Variants in SDK1 observed in about 807,000 individuals in gnomAD.
SDK1 encodes sidekick cell adhesion molecule 1.
In SDK1, 157 loss-of-function variants were observed where a neutral mutation model predicts 245.5. The observed-to-expected ratio is 0.64, with a 90% confidence interval of 0.56 to 0.73. The LOEUF is 0.73. Among genes scored for constraint, SDK1 ranks in the 30% least tolerant of loss-of-function variants. The probability of loss-of-function intolerance (pLI) is 0.00; values close to 1 mark genes in which losing one functional copy is unlikely to be tolerated. For synonymous variants in SDK1, 1,647 were observed against 1,278.5 expected (o/e 1.29, Z -6.15); for missense variants, 3,583 against 3,002.3 (o/e 1.19, Z -4.52).
At chr7:3,852,659 G>A (rs1780447021) in intron 5 of SDK1, among the ~76,000 whole-genome samples, 2 of 147,790 alleles carry the variant, frequency 1.4e-5, no homozygotes, top group African/African-American at 5.1e-5. Flanking sequence ...GCTGAGGCAG[G>A]AGAATGGCGG....
intron 8 of SDK1, 140 bp from the exon 9 acceptor site, chr7:3,962,517 C>T: frequency 1.4e-6 from 1 of 708,614 alleles, no homozygotes; most frequent in Non-Finnish European, 2.3e-6. Context: ...AAAAATAGCT[C>T]CTTATAGGGT....
chr7:3,726,051 T>C (rs184924301), intron 4 of SDK1, among the ~76,000 whole-genome samples: 146 of 152,354 alleles, frequency 9.6e-4, no homozygotes, highest in African/African-American at 3.2e-3. Flanking sequence ...CTTGAAGCAA[T>C]ATCACCTTAC....
intron 5 of SDK1, among the ~76,000 whole-genome samples, chr7:3,880,543 CTTTTTTTTTTT>C (rs5882008): frequency 2.2e-5 from 2 of 92,006 alleles, no homozygotes; most frequent in African/African-American, 4.1e-5. Context: ...ATGCCCTGGT[CTTTTTTTTTTT>C]TTTTTTTTTT....
chr7:3,726,024 C>T (rs1778997008), intron 4 of SDK1, among the ~76,000 whole-genome samples: 1 of 152,212 alleles, frequency 6.6e-6, no homozygotes, highest in South Asian at 2.1e-4. Flanking sequence ...AAATAAATTG[C>T]TGATTTGCTA....
chr7:3,330,969 A>G (rs1780054680), intron 1 of SDK1, among the ~76,000 whole-genome samples: 1 of 151,886 alleles, frequency 6.6e-6, no homozygotes, highest in African/African-American at 2.4e-5. Flanking sequence ...CTGTCTCTTA[A>G]AAAACATAAA....
At chr7:4,028,673 G>T (rs1317011519) in intron 17 of SDK1, among the ~76,000 whole-genome samples, 3 of 152,210 alleles carry the variant, frequency 2.0e-5, no homozygotes, top group Non-Finnish European at 4.4e-5. Context: ...TAGCTCTCTG[G>T]AGGACAGGCT....
chr7:3,338,815 C>A (rs1004994631), intron 1 of SDK1, among the ~76,000 whole-genome samples: 21 of 152,106 alleles, frequency 1.4e-4, no homozygotes, highest in African/African-American at 5.1e-4. Context: ...GTCCTTAGAG[C>A]AGCCATTATG....
At chr7:4,065,603 A>G (rs540805806) in intron 19 of SDK1, among the ~76,000 whole-genome samples, 27 of 150,562 alleles carry the variant, frequency 1.8e-4, no homozygotes, top group African/African-American at 4.6e-4. Context: ...CTATTTTACC[A>G]TCTTCCACAC....
At chr7:3,929,675 T>C (rs1412967674) in intron 5 of SDK1, among the ~76,000 whole-genome samples, 1 of 151,908 alleles carries the variant, frequency 6.6e-6, no homozygotes, top group Non-Finnish European at 1.5e-5. Flanking sequence ...AAGGTCAGAG[T>C]GATAGGGAGT....
At chr7:4,235,861 G>T (rs1015699839) in intron 41 of SDK1, among the ~76,000 whole-genome samples, 1 of 152,212 alleles carries the variant, frequency 6.6e-6, no homozygotes, top group African/African-American at 2.4e-5. Flanking sequence ...CGCAGCCAGG[G>T]TGTCCTGCCC....
rs55869115 is a variant in SDK1, at chr7:3,844,005, G to A, written c.847+22422G>A. Among the ~76,000 whole-genome samples the A allele has an allele frequency of 6.7e-3, 1,015 of 152,174 alleles. 12 individuals are homozygous for A. The highest frequency in any genetic ancestry group is 0.023 in the African/African-American group (950 of 41,518). ...TTTATTTATTAGACAGAGTCTCACC[G>A]TGTTGCCCAGGCTGGAGTACAGTGG... On this transcript the variant is annotated intron_variant, in intron 5 of 44. Transcript: ENST00000404826.
chr7:4,161,266 C>T (rs1484884549), intron 31 of SDK1, among the ~76,000 whole-genome samples: 1 of 152,196 alleles, frequency 6.6e-6, no homozygotes, highest in Non-Finnish European at 1.5e-5. Context: ...CCATGGCAGA[C>T]TCCCCTTCAC....
rs191063414 is a variant in SDK1, at chr7:3,720,268, C to G, written c.713+78163C>G. Among the ~76,000 whole-genome samples the G allele has an allele frequency of 1.4e-3, 211 of 151,384 alleles. 2 individuals carry two copies. Among genetic ancestry groups the G allele is most frequent in the African/African-American group, 4.9e-3 (201 of 41,274 alleles). On this transcript the variant is annotated intron_variant, in intron 4 of 44. Transcript: ENST00000404826. ...GAGACTCTGTGTCAAAAAACAACAA[C>G]AAAAAAAGTATAAAAACAAAAACTG...
intron 5 of SDK1, among the ~76,000 whole-genome samples, chr7:3,838,203 C>T (rs1386576610): frequency 6.6e-6 from 1 of 152,196 alleles, no homozygotes; most frequent in African/African-American, 2.4e-5. Context: ...CATGGCTGTA[C>T]ACAGCAATCC....
At chr7:4,009,406 C>G (rs1785758857) in intron 14 of SDK1, among the ~76,000 whole-genome samples, 1 of 152,202 alleles carries the variant, frequency 6.6e-6, no homozygotes, top group African/African-American at 2.4e-5. Context: ...CTTAGCAAAC[C>G]AGATCACCAT....
At chr7:3,339,392 C>G (rs1025591768) in intron 1 of SDK1, among the ~76,000 whole-genome samples, 4 of 152,116 alleles carry the variant, frequency 2.6e-5, no homozygotes, top group African/African-American at 9.7e-5. Flanking sequence ...ATTAGTAAAA[C>G]TATACACCAA....
At chr7:3,933,217 C>A (rs767655377) in intron 5 of SDK1, among the ~76,000 whole-genome samples, 1 of 144,014 alleles carries the variant, frequency 6.9e-6, no homozygotes, top group Non-Finnish European at 1.5e-5. Context: ...CTCAAGTGAT[C>A]CTCCTGTCTC....
At chr7:4,107,919 C>T (rs568841923) in intron 22 of SDK1, among the ~76,000 whole-genome samples, 1 of 152,182 alleles carries the variant, frequency 6.6e-6, no homozygotes, top group African/African-American at 2.4e-5. Context: ...ATGAATCACT[C>T]TTTTTCTGGG....
intron 5 of SDK1, among the ~76,000 whole-genome samples, chr7:3,831,846 A>C (rs1384525548): frequency 6.6e-6 from 1 of 152,150 alleles, no homozygotes; most frequent in Non-Finnish European, 1.5e-5. Context: ...CAGGAGTTCA[A>C]GACCAGTCTG....
Sources: gnomAD v4.1 joint callset for allele counts (sites outside exome capture counted in the v4.1 genomes callset) on GRCh38, gnomAD v4.1.1 for gene constraint, MANE v1.5 for transcripts, NCBI Gene and HGNC (gene_info 2026-07-23, HGNC 2026-07-21) for gene names.